CYP20A1: variants seen among roughly 807,000 people sequenced by gnomAD.
The protein encoded by CYP20A1 is cytochrome P450 family 20 subfamily A member 1.
A neutral mutation model predicts 61.4 loss-of-function variants in CYP20A1; 61 were observed. The ratio of observed to expected loss-of-function variants is 0.99; its 90% CI spans 0.81 to 1.23. CYP20A1 has a LOEUF of 1.23. Among genes scored for constraint, CYP20A1 ranks in the 50% most tolerant of loss-of-function variants. The pLI, the probability that CYP20A1 is intolerant of heterozygous loss-of-function variation, is 0.00. For missense variants in CYP20A1, 530 were observed against 542.4 expected, an observed-to-expected ratio of 0.98 and a Z score of 0.23; for synonymous variants, 193 against 188.2, an observed-to-expected ratio of 1.03 and a Z score of -0.21.
Position 203,275,747 on chromosome 2 carries a change from C to A in CYP20A1, c.680-2826C>A, listed in dbSNP as rs532708460. 2.0e-5 allele frequency among the ~76,000 whole-genome samples: 3 copies of A among 152,268 alleles called. No individual in the cohort carries two copies. The East Asian group carries it at 5.8e-4, about 29-fold the overall frequency. Reference sequence around the variant, plus strand: ...GAGCCACCGTGCCTGGGAATAATTTCTCATTTTAATCACTAATGTGTATTA... The same window carrying A: ...GAGCCACCGTGCCTGGGAATAATTTATCATTTTAATCACTAATGTGTATTA... On this transcript the variant is annotated intron_variant, in intron 6 of 12. Transcript: ENST00000356079.
At chr2:203,288,717 A>C (rs2068406875) in intron 9 of CYP20A1, among the ~76,000 whole-genome samples, 1 of 152,304 alleles carries the variant, frequency 6.6e-6, no homozygotes, top group Non-Finnish European at 1.5e-5. Flanking sequence ...TAATATTTCC[A>C]AATATTTCTG....
intron 2 of CYP20A1, 130 bp downstream of exon 2, chr2:203,246,025 G>A (rs56317341): frequency 0.51 from 308,272 of 609,684 alleles, 82,789 homozygotes; most frequent in Middle Eastern, 0.62. Context: ...AAGATCGCTT[G>A]AGGCCAGGAG....
In CYP20A1 at chr2:203,297,146, TTTTG is replaced by T. The variant is rs1332930769; in HGVS notation, c.*242_*245del. ...GAAACTTTAGCTTTCTACTTTTTAT[TTTTG>T]TTTTTTCACTTTCTATGCCATTATT... On this transcript the variant is annotated 3_prime_UTR_variant, in exon 13 of 13. Transcript: ENST00000356079. 2 of 267,358 alleles carry T rather than the reference TTTTG, an allele frequency of 7.5e-6. No individual in the cohort carries two copies. Among genetic ancestry groups the T allele is most frequent in the Non-Finnish European group, 1.4e-5 (2 of 143,680 alleles). The allele number at this position is 267,358 out of a possible 1,614,324, so 16.6% of individuals were successfully genotyped here. A position where few individuals can be genotyped will look rare whatever the true frequency, so the allele number is the denominator to read the frequency against.
rs868136825 is a variant in CYP20A1, at chr2:203,285,666, T to C, written c.905T>C (p.Leu302Ser). 7 of 1,607,276 alleles carry C rather than the reference T, an allele frequency of 4.4e-6. No individual in the cohort carries two copies. ...ACCTCTGAAGAAGTTCAAAAAAAATTATATGAAGAGATAAACCAAGTTTTT... is the reference window on the plus strand; with the variant it reads ...ACCTCTGAAGAAGTTCAAAAAAAATCATATGAAGAGATAAACCAAGTTTTT... ...LTTSEEVQKK[L>S]YEEINQVFGN... The change falls in exon 9 of 13, where the codon TTA (leucine) becomes TCA (serine). Residue 302 changes from leucine to serine, a missense_variant. Transcript: ENST00000356079.
At chr2:203,243,460 G>A (rs936427587) in intron 1 of CYP20A1, among the ~76,000 whole-genome samples, 4 of 151,546 alleles carry the variant, frequency 2.6e-5, no homozygotes, top group Non-Finnish European at 5.9e-5. Context: ...ACGTGATCTC[G>A]GCTCACTGCA....
rs1199544246 is a variant in CYP20A1, at chr2:203,252,065, G to T, written c.388G>T (p.Gly130Cys). Reference protein sequence around the residue: ...NHMRKKLYENGVTDSLKSNFA... With the variant: ...NHMRKKLYENCVTDSLKSNFA... ...CATGAGGAAAAAATTGTATGAAAATGGTGTGACTGATTCTCTGAAGAGTAA... is the reference window on the plus strand; with the variant it reads ...CATGAGGAAAAAATTGTATGAAAATTGTGTGACTGATTCTCTGAAGAGTAA... The change falls in exon 4 of 13, where the codon GGT (glycine) becomes TGT (cysteine). Residue 130 changes from glycine to cysteine, a missense_variant. Coordinates refer to ENST00000356079, the MANE Select transcript of CYP20A1 (RefSeq NM_177538.3). 1 of 1,609,760 alleles carries T rather than the reference G, an allele frequency of 6.2e-7. No homozygotes were observed. The highest frequency in any genetic ancestry group is 8.5e-7 in the Non-Finnish European group (1 of 1,177,780).
In CYP20A1 at chr2:203,263,093, G is replaced by A. The variant is rs113080960; in HGVS notation, c.433-3421G>A. ...AACCTCCGCCTCCTGGGTTCAAGCAGTTCTCCTGCCTCAGCCGCCCTAGTA... is the reference window on the plus strand; with the variant it reads ...AACCTCCGCCTCCTGGGTTCAAGCAATTCTCCTGCCTCAGCCGCCCTAGTA... On this transcript the variant is annotated intron_variant, in intron 4 of 12. Transcript: ENST00000356079. 7.4e-4 allele frequency among the ~76,000 whole-genome samples: 112 copies of A among 151,332 alleles called. 2 individuals carry two copies. Among genetic ancestry groups the A allele is most frequent in the Middle Eastern group, 3.4e-3 (1 of 290 alleles).
Position 203,285,686 on chromosome 2 carries a change from G to GT in CYP20A1, c.930dup (p.Gly311TrpfsTer11), listed in dbSNP as rs1329600654. 1 of 1,605,140 alleles carries GT rather than the reference G, an allele frequency of 6.2e-7. No individual in the cohort carries two copies. ...AAAATTATATGAAGAGATAAACCAA[G>GT]TTTTTGGAAATGGTCCTGTTACTCC... On this transcript the variant is annotated frameshift_variant, in exon 9 of 13. Transcript: ENST00000356079. LOFTEE classifies it high-confidence loss of function.
intron 8 of CYP20A1, among the ~76,000 whole-genome samples, chr2:203,281,595 G>A (rs987318993): frequency 2.6e-5 from 4 of 152,052 alleles, no homozygotes; most frequent in Non-Finnish European, 5.9e-5. Context: ...AAGGTCAGGA[G>A]TTCGAGACCA....
At chr2:203,271,056 A>ATATG (rs1559097531) in intron 5 of CYP20A1, among the ~76,000 whole-genome samples, 7 of 24,756 alleles carry the variant, frequency 2.8e-4, no homozygotes, top group African/African-American at 9.4e-4. Context: ...GTATATGTGT[A>ATATG]TATATATATA....
intron 8 of CYP20A1, among the ~76,000 whole-genome samples, chr2:203,280,736 CT>C (rs2152095142): frequency 6.6e-6 from 1 of 152,190 alleles, no homozygotes; most frequent in Non-Finnish European, 1.5e-5. Context: ...GTTTAGAGGA[CT>C]TCTTTATAAT....
At chr2:203,282,286 A>G (rs1217819113) in intron 8 of CYP20A1, among the ~76,000 whole-genome samples, 1 of 152,012 alleles carries the variant, frequency 6.6e-6, no homozygotes, top group African/African-American at 2.4e-5. Flanking sequence ...CGGCCTCCCA[A>G]GGTGCTAGGA....
intron 4 of CYP20A1, among the ~76,000 whole-genome samples, chr2:203,252,867 ATTCACACACT>A (rs1192127324): frequency 2.0e-5 from 3 of 152,010 alleles, no homozygotes; most frequent in South Asian, 4.1e-4. Flanking sequence ...AGGGCCCTCC[ATTCACACACT>A]TTCACACACT....
Position 203,268,301 on chromosome 2 carries a change from C to T in CYP20A1, c.600+1620C>T, listed in dbSNP as rs186911100. On this transcript the variant is annotated intron_variant, in intron 5 of 12. Coordinates refer to ENST00000356079, the MANE Select transcript of CYP20A1 (RefSeq NM_177538.3). ...AATAATCTTGTGGATTCTCAGTCTC[C>T]TCCCCTCCAATTCCAGGACCCAATT... 1.6e-3 allele frequency among the ~76,000 whole-genome samples: 243 copies of T among 152,276 alleles called. 2 individuals are homozygous for T. The highest frequency in any genetic ancestry group is 0.014 in the Admixed American group (207 of 15,292).
At position 203,275,412 on chromosome 2, in the gene CYP20A1, A is replaced by T. The variant is rs139973059; in HGVS notation, c.679+2664A>T. Reference sequence around the variant, plus strand: ...CTGGGAACAACTTCTTTATAGTGTTAATAATTTCTTATTTTCTTTTCTTTT... The same window carrying T: ...CTGGGAACAACTTCTTTATAGTGTTTATAATTTCTTATTTTCTTTTCTTTT... On this transcript the variant is annotated intron_variant, in intron 6 of 12. Transcript: ENST00000356079. Among the ~76,000 whole-genome samples, 812 of 152,192 alleles carry T rather than the reference A, an allele frequency of 5.3e-3. 2 individuals are homozygous for T. Among genetic ancestry groups the T allele is most frequent in the Non-Finnish European group, 8.0e-3 (546 of 68,000 alleles).
rs1240588212 is a variant in CYP20A1, at chr2:203,301,435, G to A, written c.*4527G>A. Among the ~76,000 whole-genome samples the A allele has an allele frequency of 6.6e-6, 1 of 151,568 alleles. No individual in the cohort carries two copies. Among genetic ancestry groups the A allele is most frequent in the African/African-American group, 2.4e-5 (1 of 41,296 alleles). On this transcript the variant is annotated 3_prime_UTR_variant, in exon 13 of 13. Transcript: ENST00000356079. ...TGCCCAGCTGTTTTTTTGTTTGCTT[G>A]TTTTTGGTTTTGTTTTTTTGAGACA...
intron 6 of CYP20A1, among the ~76,000 whole-genome samples, chr2:203,277,313 A>AC: frequency 6.6e-6 from 1 of 151,216 alleles, no homozygotes; most frequent in East Asian, 2.0e-4. Flanking sequence ...GCGCCACTGC[A>AC]CCCCAGCCTG....
intron 8 of CYP20A1, among the ~76,000 whole-genome samples, chr2:203,282,564 A>G (rs1364044280): frequency 6.6e-6 from 1 of 152,114 alleles, no homozygotes; most frequent in East Asian, 1.9e-4. Context: ...AAAAATCTAA[A>G]TCACTTGTGC....
chr2:203,291,663 T>C (rs1006752181), intron 10 of CYP20A1, among the ~76,000 whole-genome samples: 1 of 152,214 alleles, frequency 6.6e-6, no homozygotes, highest in African/African-American at 2.4e-5. Flanking sequence ...TTTTTGTTAT[T>C]GTTTTTTAAC....
Sources: allele counts gnomAD v4.1 joint callset (sites outside exome capture counted in the v4.1 genomes callset), GRCh38; gene constraint gnomAD v4.1.1; transcripts MANE v1.5; gene names NCBI Gene and HGNC (gene_info 2026-07-23, HGNC 2026-07-21).